Variants in MYOM2 observed in about 807,000 individuals in gnomAD.
The protein encoded by MYOM2 is myomesin-2.
MYOM2 carries 254 observed loss-of-function variants against 187.6 expected under a neutral mutation model. The observed-to-expected ratio is 1.35, with a 90% CI of 1.22 to 1.50. MYOM2 has a LOEUF of 1.50. Ranked by LOEUF, MYOM2 falls within the 40% of genes most tolerant of loss-of-function variation. MYOM2 has a pLI of 0.00. For missense variants in MYOM2, 2,796 were observed against 1,924.0 expected, an observed-to-expected ratio of 1.45 and a Z score of -8.48; for synonymous variants, 981 against 753.8, an observed-to-expected ratio of 1.30 and a Z score of -4.94.
chr8:2,113,426 C>A (rs938823147), intron 25 of MYOM2, among the ~76,000 whole-genome samples: 6 of 152,142 alleles, frequency 3.9e-5, no homozygotes, highest in African/African-American at 1.4e-4. Flanking sequence ...GAGCTGGGAG[C>A]AGGTGAAGGC....
chr8:2,071,149 T>C (rs1323854738), intron 8 of MYOM2, among the ~76,000 whole-genome samples: 2 of 151,826 alleles, frequency 1.3e-5, no homozygotes, highest in Non-Finnish European at 2.9e-5. Context: ...TTCTTTATTT[T>C]TTTATTTTTA....
At chr8:2,132,108 A>T (rs1408912063) in intron 32 of MYOM2, among the ~76,000 whole-genome samples, 1 of 152,226 alleles carries the variant, frequency 6.6e-6, no homozygotes, top group Non-Finnish European at 1.5e-5. Context: ...GGAAAAAAAG[A>T]ATAATAAGAA....
rs775346921 is a variant in MYOM2, at chr8:2,085,440, C to A, written c.1644+50C>A. On this transcript the variant is annotated intron_variant, in intron 14 of 36. Transcript: ENST00000262113. ...AAAAGTAGATCTCTGCATGGCCCCC[C>A]ACTGTCATGATCTCTGCGTGGCCCA... 17 of 1,597,700 alleles carry A rather than the reference C, an allele frequency of 1.1e-5. 1 individual carries two copies. Among genetic ancestry groups the A allele is most frequent in the African/African-American group, 2.7e-5 (2 of 74,400 alleles).
intron 9 of MYOM2, 29 bp downstream of exon 9, chr8:2,072,538 A>G: frequency 6.2e-7 from 1 of 1,601,234 alleles, no homozygotes; most frequent in Non-Finnish European, 8.5e-7. Context: ...AGACCCGGGC[A>G]CACACCAGGA....
intron 23 of MYOM2, among the ~76,000 whole-genome samples, chr8:2,107,142 C>T (rs1051184608): frequency 6.6e-6 from 1 of 152,150 alleles, no homozygotes; most frequent in Admixed American, 6.5e-5. Context: ...GGTCTGAGTT[C>T]ACCAGGCACA....
chr8:2,106,143 G>T (rs747334477), intron 21 of MYOM2, 99 bp from the exon 22 acceptor site: 18 of 1,173,612 alleles, frequency 1.5e-5, no homozygotes, highest in Middle Eastern at 5.8e-4. Context: ...GATGAGATTT[G>T]GGTGTGGACG....
At chr8:2,072,581 G>T in intron 9 of MYOM2, 72 bp downstream of exon 9, 3 of 1,510,680 alleles carry the variant, frequency 2.0e-6, no homozygotes, top group Non-Finnish European at 2.7e-6. Flanking sequence ...TTAAATGTGG[G>T]TGTCAATGTG....
chr8:2,076,473 G>C, intron 11 of MYOM2, 191 bp downstream of exon 11: 1 of 708,514 alleles, frequency 1.4e-6, no homozygotes, highest in Non-Finnish European at 2.2e-6. Flanking sequence ...GCTGAGCCCA[G>C]CATAACCACA....
At chr8:2,113,916 AGTAAGGCCATGCCTGCTCT>A (rs1196187712) in intron 25 of MYOM2, among the ~76,000 whole-genome samples, 2 of 152,188 alleles carry the variant, frequency 1.3e-5, no homozygotes, top group African/African-American at 4.8e-5. Flanking sequence ...TGCAGGGATG[AGTAAGGCCATGCCTGCTCT>A]CAGGGGCTCA....
rs145180996 is a variant in MYOM2, at chr8:2,065,967, C to T, written c.654-3311C>T. On this transcript the variant is annotated intron_variant, in intron 6 of 36. Coordinates refer to ENST00000262113, the MANE Select transcript of MYOM2 (RefSeq NM_003970.4). ...TGAGAGCCGTGGGGCGCAGTGTGAA[C>T]GCTGTTGATGTTACTTAACAGGCAG... Among the ~76,000 whole-genome samples, 195 of 152,334 alleles carry T rather than the reference C, an allele frequency of 1.3e-3. 1 individual carries two copies. The highest frequency in any genetic ancestry group is 6.8e-3 in the Middle Eastern group (2 of 294).
intron 24 of MYOM2, 173 bp from the exon 25 acceptor site, chr8:2,109,222 A>G (rs938173070): frequency 3.9e-6 from 3 of 770,216 alleles, no homozygotes; most frequent in African/African-American, 1.8e-5. Flanking sequence ...TAGAGGCAAC[A>G]ACAGGCCAGC....
chr8:2,128,460 C>G (rs1797733042), intron 31 of MYOM2, among the ~76,000 whole-genome samples: 1 of 152,242 alleles, frequency 6.6e-6, no homozygotes. Context: ...GGCTGAATAT[C>G]TGATAACAAT....
intron 25 of MYOM2, among the ~76,000 whole-genome samples, chr8:2,114,651 G>A (rs983317879): frequency 1.3e-5 from 2 of 152,142 alleles, no homozygotes; most frequent in Non-Finnish European, 2.9e-5. Context: ...TGTATTTTTA[G>A]TAGAGTTGGA....
chr8:2,109,573 C>G (rs1009764371), intron 25 of MYOM2, 42 bp downstream of exon 25: 2 of 1,574,956 alleles, frequency 1.3e-6, no homozygotes, highest in African/African-American at 2.7e-5. Flanking sequence ...GCAGGGAGTC[C>G]ACTTTTGTTG....
chr8:2,075,300 A>G (rs1409358741), intron 10 of MYOM2, among the ~76,000 whole-genome samples: 1 of 152,142 alleles, frequency 6.6e-6, no homozygotes, highest in Non-Finnish European at 1.5e-5. Flanking sequence ...CGCCCCATAA[A>G]AAGGCAATAA....
At chr8:2,081,490 G>C (rs1430857472) in intron 13 of MYOM2, among the ~76,000 whole-genome samples, 2 of 152,248 alleles carry the variant, frequency 1.3e-5, no homozygotes, top group Admixed American at 6.5e-5. Flanking sequence ...AGACAGATCA[G>C]GGAGGAGGTG....
rs751376930 is a variant in MYOM2, at chr8:2,085,257, C to T, written c.1517-6C>T. The T allele has an allele frequency of 3.1e-6, 5 of 1,613,752 alleles. No individual in the cohort carries two copies. Among genetic ancestry groups the T allele is most frequent in the East Asian group, 4.5e-5 (2 of 44,874 alleles). On this transcript the variant is annotated splice_region_variant and splice_polypyrimidine_tract_variant and intron_variant, in intron 13 of 36. Coordinates refer to ENST00000262113, the MANE Select transcript of MYOM2 (RefSeq NM_003970.4). ...TCAGCACTCACCGAATTTATTATTC[C>T]TCCAGGTGACGCCCAGGTTCCAGGG...
chr8:2,047,891 G>A (rs77589383), intron 1 of MYOM2, among the ~76,000 whole-genome samples: 2 of 152,200 alleles, frequency 1.3e-5, no homozygotes, highest in Non-Finnish European at 2.9e-5. Context: ...TGTCACGTCA[G>A]TGATACATAG....
chr8:2,093,857 T>C (rs998882862), intron 16 of MYOM2, 113 bp from the exon 17 acceptor site: 30 of 1,222,926 alleles, frequency 2.5e-5, no homozygotes, highest in Non-Finnish European at 3.5e-5. Flanking sequence ...AAATGAAGGA[T>C]GTATGTTATC....
Sources: gnomAD v4.1 joint callset for allele counts (sites outside exome capture counted in the v4.1 genomes callset) on GRCh38, gnomAD v4.1.1 for gene constraint, MANE v1.5 for transcripts, NCBI Gene and HGNC (gene_info 2026-07-23, HGNC 2026-07-21) for gene names.